The following ACOXL variants were observed in gnomAD, a reference collection of about 807,000 sequenced individuals.
ACOXL encodes the protein acyl-CoA oxidase like, also known as acyl-coenzyme A oxidase-like protein.
A neutral mutation model predicts 71.9 loss-of-function variants in ACOXL; 70 were observed. That is an observed-to-expected ratio of 0.97 (90% confidence interval 0.80 to 1.19). The LOEUF (loss-of-function observed/expected upper bound fraction) is 1.19, where lower values mean the gene tolerates loss of function less well. Ranked by LOEUF, ACOXL falls within the 50% of genes most tolerant of loss-of-function variation. The pLI, the probability that ACOXL is intolerant of heterozygous loss-of-function variation, is 0.00. For missense variants in ACOXL, 703 were observed against 736.3 expected (o/e 0.95, Z 0.52); for synonymous variants, 253 against 281.6 (o/e 0.90, Z 1.02).
chr2:110,799,604 T>A (rs1685711196), intron 7 of ACOXL, among the ~76,000 whole-genome samples: 2 of 152,214 alleles, frequency 1.3e-5, no homozygotes, highest in Admixed American at 1.3e-4. Context: ...GATGACGGTA[T>A]CAGCAGTGTT....
At chr2:110,807,172 C>T (rs1187960488) in intron 9 of ACOXL, among the ~76,000 whole-genome samples, 2 of 152,176 alleles carry the variant, frequency 1.3e-5, no homozygotes, top group East Asian at 3.9e-4. Flanking sequence ...TGATCGTGGG[C>T]AGGAAAGCCC....
At chr2:110,770,083 G>A (rs763356304) in intron 2 of ACOXL, among the ~76,000 whole-genome samples, 1 of 152,000 alleles carries the variant, frequency 6.6e-6, no homozygotes, top group African/African-American at 2.4e-5. Context: ...AACACCACCC[G>A]CCCTCTGAGA....
rs144779190 is a variant in ACOXL at position 110,937,172 on chromosome 2, G to T, written c.1059+3530G>T. Reference sequence around the variant, plus strand: ...TTCCTGGAGGATGGCAGGGGTTTCAGGGAGGGCGATAAAAGCTGTGAGCTT... The same window carrying T: ...TTCCTGGAGGATGGCAGGGGTTTCATGGAGGGCGATAAAAGCTGTGAGCTT... On this transcript the variant is annotated intron_variant, in intron 12 of 17. Transcript: ENST00000439055. 6.5e-3 allele frequency among the ~76,000 whole-genome samples: 991 copies of T among 152,256 alleles called. 10 individuals carry two copies. Among genetic ancestry groups the T allele is most frequent in the African/African-American group, 0.022 (918 of 41,538 alleles).
At chr2:110,761,357 T>TA (rs1680380965) in intron 1 of ACOXL, among the ~76,000 whole-genome samples, 2 of 152,226 alleles carry the variant, frequency 1.3e-5, no homozygotes, top group South Asian at 2.1e-4. Flanking sequence ...GAATGTTGAT[T>TA]AATATCAACT....
chr2:110,845,953 T>TGG (rs1691788045), intron 10 of ACOXL, among the ~76,000 whole-genome samples: 1 of 152,182 alleles, frequency 6.6e-6, no homozygotes, highest in East Asian at 1.9e-4. Flanking sequence ...TGCCCAGAAG[T>TGG]GGAATTCCTG....
At chr2:111,090,080 A>G (rs537416962) in intron 16 of ACOXL, among the ~76,000 whole-genome samples, 2 of 152,350 alleles carry the variant, frequency 1.3e-5, no homozygotes, top group South Asian at 4.1e-4. Context: ...GGAAGCTTTC[A>G]TAGACTGCTG....
chr2:110,736,705 C>T (rs1045344730), intron 1 of ACOXL, among the ~76,000 whole-genome samples: 12 of 151,880 alleles, frequency 7.9e-5, no homozygotes, highest in Admixed American at 2.6e-4. Flanking sequence ...CTGCAAGCCC[C>T]GCCTCCCGGG....
intron 15 of ACOXL, among the ~76,000 whole-genome samples, chr2:111,048,669 G>A (rs183995410): frequency 1.1e-4 from 16 of 149,744 alleles, no homozygotes; most frequent in East Asian, 5.9e-4. Context: ...TTTTTTTCTC[G>A]TAAATCTTCT....
intron 16 of ACOXL, among the ~76,000 whole-genome samples, chr2:111,069,153 T>C (rs11421521): frequency 0.28 from 42,732 of 150,418 alleles, 6,277 homozygotes; most frequent in East Asian, 0.44. Flanking sequence ...TTCTTTTTTT[T>C]TTTTTTTTTT....
intron 16 of ACOXL, among the ~76,000 whole-genome samples, chr2:111,062,257 T>G (rs1046581031): frequency 6.6e-6 from 1 of 151,386 alleles, no homozygotes; most frequent in African/African-American, 2.4e-5. Context: ...AAAGTGTCAA[T>G]CCACCAAGAA....
chr2:110,830,682 C>T (rs537614158), intron 9 of ACOXL, among the ~76,000 whole-genome samples: 7 of 152,056 alleles, frequency 4.6e-5, no homozygotes, highest in South Asian at 2.1e-4. Context: ...TACAGGCGCC[C>T]GCCACCACGC....
intron 14 of ACOXL, among the ~76,000 whole-genome samples, chr2:111,022,280 G>C (rs1030952187): frequency 1.3e-5 from 2 of 152,084 alleles, no homozygotes; most frequent in Non-Finnish European, 2.9e-5. Flanking sequence ...CTGGAGAATC[G>C]CTTGAAACCA....
intron 16 of ACOXL, among the ~76,000 whole-genome samples, chr2:111,052,159 G>C (rs72836320): frequency 0.029 from 4,466 of 152,300 alleles, 94 homozygotes; most frequent in Non-Finnish European, 0.045. Flanking sequence ...AAAAGCAGGA[G>C]GGACAGGAAA....
chr2:110,758,520 T>A (rs1679987513), intron 1 of ACOXL, among the ~76,000 whole-genome samples: 1 of 152,166 alleles, frequency 6.6e-6, no homozygotes, highest in South Asian at 2.1e-4. Flanking sequence ...TTTTGTGGGG[T>A]CAGTAGTGAT....
intron 15 of ACOXL, among the ~76,000 whole-genome samples, chr2:111,040,268 C>T (rs2065716251): frequency 6.6e-6 from 1 of 152,194 alleles, no homozygotes; most frequent in Non-Finnish European, 1.5e-5. Context: ...AATATTGCCT[C>T]AGACCATAGG....
intron 9 of ACOXL, among the ~76,000 whole-genome samples, chr2:110,808,326 C>T (rs926797204): frequency 1.3e-5 from 2 of 152,150 alleles, no homozygotes; most frequent in African/African-American, 4.8e-5. Flanking sequence ...TGCACAGTAG[C>T]TAGGTCCTAC....
chr2:110,862,559 G>A (rs1694080765), intron 10 of ACOXL, among the ~76,000 whole-genome samples: 1 of 152,254 alleles, frequency 6.6e-6, no homozygotes, highest in Non-Finnish European at 1.5e-5. Context: ...TTTGTGATTA[G>A]CTGCCTTCTG....
chr2:110,924,317 C>T (rs779748092), intron 11 of ACOXL, among the ~76,000 whole-genome samples: 1 of 152,152 alleles, frequency 6.6e-6, no homozygotes, highest in Non-Finnish European at 1.5e-5. Flanking sequence ...AAGATAACAA[C>T]GAAGTTTGCC....
chr2:111,053,491 G>A (rs1225379158), intron 16 of ACOXL, among the ~76,000 whole-genome samples: 2 of 152,132 alleles, frequency 1.3e-5, no homozygotes, highest in Admixed American at 6.5e-5. Flanking sequence ...TTGAATCAAG[G>A]CCAAAGCCTC....
Sources: gnomAD v4.1 joint callset for allele counts (sites outside exome capture counted in the v4.1 genomes callset) on GRCh38, gnomAD v4.1.1 for gene constraint, MANE v1.5 for transcripts, NCBI Gene and HGNC (gene_info 2026-07-23, HGNC 2026-07-21) for gene names.